TSNAXIP1: variants seen among roughly 807,000 people sequenced by gnomAD.
TSNAXIP1 encodes the protein translin associated factor X interacting protein 1.
TSNAXIP1 carries 89 observed loss-of-function variants against 84.8 expected under a neutral mutation model. The observed-to-expected ratio is 1.05, with a 90% CI of 0.88 to 1.25. The LOEUF (loss-of-function observed/expected upper bound fraction) is 1.25. TSNAXIP1 is among the 50% of genes most tolerant of loss of function. The probability of loss-of-function intolerance (pLI) is 0.00; values close to 1 mark genes in which losing one functional copy is unlikely to be tolerated. For missense variants in TSNAXIP1, 874 were observed against 887.6 expected (o/e 0.98, Z 0.20); for synonymous variants, 347 against 335.2 (o/e 1.04, Z -0.39).
At chr16:67,809,060 C>T (rs1346827346) in intron 1 of TSNAXIP1, among the ~76,000 whole-genome samples, 1 of 146,682 alleles carries the variant, frequency 6.8e-6, no homozygotes, top group Non-Finnish European at 1.5e-5. Flanking sequence ...GTTTCAGCTA[C>T]TCAGGAGGCT....
At chr16:67,816,620 C>G (rs945137350) in intron 2 of TSNAXIP1, among the ~76,000 whole-genome samples, 8 of 152,102 alleles carry the variant, frequency 5.3e-5, no homozygotes, top group African/African-American at 1.9e-4. Flanking sequence ...CTGAGGCTCC[C>G]GGGCACCCTT....
rs755592087 is a variant in TSNAXIP1, at chr16:67,825,882, A to G, written c.985-35A>G. 3.1e-6 allele frequency: 5 copies of G among 1,613,890 alleles called. No homozygotes were observed. The Admixed American group carries it at 5.0e-5, about 16-fold the overall frequency. On this transcript the variant is annotated intron_variant, in intron 8 of 15. Transcript: ENST00000561639. ...CCAGGAGGGTAGGACGGGGTCTCAC[A>G]GGTGGGGGGCCAGGGCCAATGTCCT...
Position 67,820,825 on chromosome 16 carries a change from G to A in TSNAXIP1, c.148-14G>A. On this transcript the variant is annotated splice_polypyrimidine_tract_variant and intron_variant, in intron 2 of 15. Coordinates refer to ENST00000561639, the MANE Select transcript of TSNAXIP1 (RefSeq NM_001288990.3). The stretch of plus-strand genomic sequence containing the variant: ...CAATGTTGCCATGGCAACCCCACCT[G>A]TACCTCCCTGCAGACTGGTCAGTTC... 2 of 1,510,172 alleles carry A rather than the reference G, an allele frequency of 1.3e-6. No homozygotes were observed. The highest frequency in any genetic ancestry group is 1.8e-6 in the Non-Finnish European group (2 of 1,126,644). The allele number at this position is 1,510,172 out of a possible 1,614,324, so 93.5% of individuals were successfully genotyped here.
chr16:67,821,267 T>TTTGGGG, intron 4 of TSNAXIP1, 42 bp downstream of exon 4: 1 of 829,434 alleles, frequency 1.2e-6, no homozygotes, highest in Non-Finnish European at 1.9e-6. Context: ...GGGGGAAGGG[T>TTTGGGG]GGGAAGAAGC....
chr16:67,825,726 C>G lies in TSNAXIP1; in HGVS notation c.874C>G (p.Leu292Val), dbSNP rs1598102787. ...TLALKMTRQD[L>V]TRTQMELNNM... is the part of the protein sequence containing the mutation. The stretch of plus-strand genomic sequence containing the variant: ...GGCTCTTAAGATGACCCGGCAAGAC[C>G]TGACCCGCACGCAGATGGAACTCAA... The change falls in exon 8 of 16, where the codon CTG becomes GTG. Residue 292 changes from leucine (L) to valine (V), a missense_variant. Leu to Val is a conservative substitution (Grantham distance 32). Coordinates refer to ENST00000561639, the MANE Select transcript of TSNAXIP1 (RefSeq NM_001288990.3). 3.1e-6 allele frequency: 5 copies of G among 1,614,216 alleles called. No individual in the cohort carries two copies. The highest frequency in any genetic ancestry group is 4.2e-6 in the Non-Finnish European group (5 of 1,180,040).
intron 1 of TSNAXIP1, among the ~76,000 whole-genome samples, chr16:67,810,614 G>A (rs187448982): frequency 1.3e-5 from 2 of 151,818 alleles, no homozygotes; most frequent in South Asian, 2.1e-4. Context: ...GCCAGATTAC[G>A]TCTTAAAAAA....
chr16:67,820,275 C>T (rs2056937676), intron 2 of TSNAXIP1, among the ~76,000 whole-genome samples: 1 of 152,142 alleles, frequency 6.6e-6, no homozygotes, highest in Non-Finnish European at 1.5e-5. Flanking sequence ...TCACTGCATC[C>T]TCACATCAAT....
chr16:67,813,338 G>A (rs2056263947), intron 1 of TSNAXIP1, among the ~76,000 whole-genome samples: 1 of 151,992 alleles, frequency 6.6e-6, no homozygotes, highest in South Asian at 2.1e-4. Context: ...AGTGAGCTGA[G>A]ATGGCGCCAC....
Position 67,826,847 on chromosome 16 carries a change from G to A in TSNAXIP1, c.1554+3G>A, listed in dbSNP as rs377466714. ...TCTATGCAGTCTTGATGGGAAAGGT[G>A]AGCTGGGGCCTATTCCCCTTGGGGA... On this transcript the variant is annotated splice_donor_region_variant and intron_variant, in intron 12 of 15. Coordinates refer to ENST00000561639, the MANE Select transcript of TSNAXIP1 (RefSeq NM_001288990.3). 4 of 1,613,098 alleles carry A rather than the reference G, an allele frequency of 2.5e-6. No homozygotes were observed. Among genetic ancestry groups the A allele is most frequent in the Non-Finnish European group, 3.4e-6 (4 of 1,179,932 alleles).
At chr16:67,816,478 CACACACTTTGTGGGGCTGGGGACTCCCA>C (rs971375531) in intron 2 of TSNAXIP1, among the ~76,000 whole-genome samples, 6 of 152,138 alleles carry the variant, frequency 3.9e-5, no homozygotes, top group Non-Finnish European at 8.8e-5. Context: ...ACACATGGGC[CACACACTTTGTGGGGCTGGGGACTCCCA>C]ACACCCCTGC....
chr16:67,827,342 A>C lies in TSNAXIP1; in HGVS notation c.1758A>C (p.Ala586=), dbSNP rs754030148. ...AGGWHPSSSN[A]DLLNYRSLFM... is the part of the protein sequence containing the mutation. ...GCTGGCATCCCAGCAGCAGCAATGC[A>C]GACTTGCTCAACTACCGCTCACTGT... Residue 586 remains alanine (A), a synonymous_variant, in exon 14 of 16, where the codon GCA becomes GCC. Transcript: ENST00000561639. The C allele has an allele frequency of 1.9e-6, 3 of 1,614,220 alleles. No individual in the cohort carries two copies. The highest frequency in any genetic ancestry group is 2.5e-6 in the Non-Finnish European group (3 of 1,180,042).
chr16:67,824,834 G>A (rs1005419728), intron 6 of TSNAXIP1, 55 bp downstream of exon 6: 54 of 1,553,704 alleles, frequency 3.5e-5, no homozygotes, highest in African/African-American at 5.5e-5. Context: ...CCAACTCCAC[G>A]ACAAGGGTGA....
At position 67,825,054 on chromosome 16, in the gene TSNAXIP1, G is replaced by C. The variant is rs975491124; in HGVS notation, c.679-83G>C. 9.0e-6 allele frequency: 14 copies of C among 1,552,674 alleles called. No individual in the cohort carries two copies. The African/African-American group carries it at 1.6e-4, about 18-fold the overall frequency. ...TCACAGTCCCTGATGGGGCCCCCCA[G>C]AACCCAGCCCACTCCCTGGGGTGAC... On this transcript the variant is annotated intron_variant, in intron 6 of 15. Coordinates refer to ENST00000561639, the MANE Select transcript of TSNAXIP1 (RefSeq NM_001288990.3).
rs767116882 is a variant in TSNAXIP1, at chr16:67,826,757, G to A, written c.1467G>A (p.Met489Ile). ...ATCGCTTTGGGCCCAGTGATGCCAT[G>A]GCCTGGGCTTATACTATTTTTGAAA... The part of the protein sequence containing the change: ...LEHRFGPSDA[M>I]AWAYTIFENI... The change falls in exon 12 of 16, where the codon ATG becomes ATA. Residue 489 changes from methionine to isoleucine, a missense_variant. Coordinates refer to ENST00000561639, the MANE Select transcript of TSNAXIP1 (RefSeq NM_001288990.3). The A allele has an allele frequency of 1.9e-6, 3 of 1,614,154 alleles. No homozygotes were observed. Among genetic ancestry groups the A allele is most frequent in the Non-Finnish European group, 2.5e-6 (3 of 1,180,028 alleles).
chr16:67,823,401 G>A (rs915441843), intron 4 of TSNAXIP1, among the ~76,000 whole-genome samples: 1 of 152,090 alleles, frequency 6.6e-6, no homozygotes, highest in Non-Finnish European at 1.5e-5. Flanking sequence ...AAATTAGCCA[G>A]GTGTGGTGGC....
intron 1 of TSNAXIP1, among the ~76,000 whole-genome samples, chr16:67,808,720 G>A (rs996081100): frequency 3.3e-5 from 5 of 152,038 alleles, no homozygotes; most frequent in African/African-American, 1.2e-4. Flanking sequence ...ACTCTAGCCT[G>A]GGCGACAGAG....
At chr16:67,826,113 A>C in intron 9 of TSNAXIP1, 37 bp downstream of exon 9, 1 of 1,613,286 alleles carries the variant, frequency 6.2e-7, no homozygotes, top group Non-Finnish European at 8.5e-7. Context: ...TCCTGCTTAC[A>C]TGTGGGCCCA....
chr16:67,816,423 G>A (rs1377084494), intron 2 of TSNAXIP1, among the ~76,000 whole-genome samples: 1 of 152,172 alleles, frequency 6.6e-6, no homozygotes, highest in Non-Finnish European at 1.5e-5. Context: ...TGGGCTGTAT[G>A]GTGGTTTTCC....
chr16:67,807,069 G>A lies in TSNAXIP1; in HGVS notation c.-81G>A. On this transcript the variant is annotated 5_prime_UTR_variant, in exon 1 of 16. Coordinates refer to ENST00000561639, the MANE Select transcript of TSNAXIP1 (RefSeq NM_001288990.3). ...CCCCCGCCGCGGGGGGGCCTCTGGG[G>A]CCTGGTCGCCATGGCGACCGGCTGT... 1 of 1,513,668 alleles carries A rather than the reference G, an allele frequency of 6.6e-7. No homozygotes were observed. The highest frequency in any genetic ancestry group is 8.8e-7 in the Non-Finnish European group (1 of 1,133,480). 93.8% of individuals were successfully genotyped at this position (1,513,668 alleles called of 1,614,324 possible).
Sources: gnomAD v4.1 joint callset for allele counts (sites outside exome capture counted in the v4.1 genomes callset) on GRCh38, gnomAD v4.1.1 for gene constraint, MANE v1.5 for transcripts, NCBI Gene and HGNC (gene_info 2026-07-23, HGNC 2026-07-21) for gene names.